Variants in PRKG1 observed in about 807,000 individuals in gnomAD.
PRKG1 encodes the protein cGMP-dependent protein kinase 1.
PRKG1 carries 35 observed loss-of-function variants against 88.1 expected under a neutral mutation model. The observed-to-expected ratio is 0.40, with a 90% CI of 0.30 to 0.53. The LOEUF (loss-of-function observed/expected upper bound fraction) is 0.53. Ranked by LOEUF, PRKG1 falls within the 20% of genes least tolerant of loss-of-function variation. PRKG1 has a pLI of 0.59. For synonymous variants in PRKG1, 303 were observed against 292.5 expected, an observed-to-expected ratio of 1.04 and a Z score of -0.37; for missense variants, 540 against 839.8, an observed-to-expected ratio of 0.64 and a Z score of 4.41.
chr10:51,875,688 G>T (rs1478250666), intron 4 of PRKG1, among the ~76,000 whole-genome samples: 1 of 152,128 alleles, frequency 6.6e-6, no homozygotes, highest in Non-Finnish European at 1.5e-5. Flanking sequence ...AAAATAATGT[G>T]ATCAAATTTA....
intron 10 of PRKG1, among the ~76,000 whole-genome samples, chr10:52,255,618 G>A (rs1841289216): frequency 6.6e-6 from 1 of 152,026 alleles, no homozygotes; most frequent in South Asian, 2.1e-4. Context: ...TTAATAAATA[G>A]AATAGTTCTT....
chr10:51,878,923 C>G (rs1253983888), intron 4 of PRKG1, among the ~76,000 whole-genome samples: 1 of 152,144 alleles, frequency 6.6e-6, no homozygotes, highest in Non-Finnish European at 1.5e-5. Flanking sequence ...AGAACCAGAC[C>G]TCTGCAAATG....
rs959696784 is a variant in PRKG1 at position 52,047,249 on chromosome 10, C to T, written c.763-7235C>T. ...AAGGAGAGCATATTAAAATTATAGC[C>T]TGAATGAAGTTATCTGTTATCCAAG... On this transcript the variant is annotated intron_variant, in intron 5 of 17. Coordinates refer to ENST00000373980, the MANE Select transcript of PRKG1 (RefSeq NM_006258.4). Among the ~76,000 whole-genome samples the T allele has an allele frequency of 2.0e-4, 31 of 152,192 alleles. No individual in the cohort carries two copies. The East Asian group carries it at 4.8e-3, about 24-fold the overall frequency.
rs1355137584 is a variant in PRKG1 at position 52,295,343 on chromosome 10, A to G, written c.*1443A>G. 6.6e-6 allele frequency: 1 copy of G among 152,184 alleles called. No individual in the cohort carries two copies. Among genetic ancestry groups the G allele is most frequent in the Non-Finnish European group, 1.5e-5 (1 of 67,976 alleles). The allele number at this position is 152,184 out of a possible 1,614,324, so 9.4% of individuals were successfully genotyped here. On this transcript the variant is annotated 3_prime_UTR_variant, in exon 18 of 18. Coordinates refer to ENST00000373980, the MANE Select transcript of PRKG1 (RefSeq NM_006258.4). ...CAGGAACCTGATTTTTTTAAAATAA[A>G]TTTTAAATAAAATAGAATTACTACA... is the stretch of plus-strand genomic sequence containing the variant.
chr10:51,858,335 ATATATAT>A (rs1481456648), intron 4 of PRKG1, among the ~76,000 whole-genome samples: 11 of 35,226 alleles, frequency 3.1e-4, no homozygotes, highest in Non-Finnish European at 5.8e-4. Context: ...TATATATAAT[ATATATAT>A]TATATAAAAT....
chr10:51,269,165 A>G (rs1488921607), intron 2 of PRKG1, among the ~76,000 whole-genome samples: 2 of 152,224 alleles, frequency 1.3e-5, no homozygotes, highest in Admixed American at 1.3e-4. Context: ...TAAAACCACA[A>G]TGAGATACCA....
intron 7 of PRKG1, among the ~76,000 whole-genome samples, chr10:52,120,673 T>A (rs1847799554): frequency 6.6e-6 from 1 of 152,166 alleles, no homozygotes; most frequent in Non-Finnish European, 1.5e-5. Context: ...CCACGTTCCA[T>A]CTTCTGTGCA....
chr10:51,575,200 G>A (rs12248319), intron 3 of PRKG1, among the ~76,000 whole-genome samples: 11,204 of 151,910 alleles, frequency 0.074, 1,382 homozygotes, highest in African/African-American at 0.25. Flanking sequence ...AAGTGACAAG[G>A]GGGATCACAA....
intron 2 of PRKG1, among the ~76,000 whole-genome samples, chr10:51,253,558 C>T (rs1413933341): frequency 6.6e-6 from 1 of 151,824 alleles, no homozygotes; most frequent in Non-Finnish European, 1.5e-5. Context: ...ATCTCCAAGC[C>T]AGTTATGTTC....
intron 8 of PRKG1, among the ~76,000 whole-genome samples, chr10:52,145,984 T>C (rs1178984977): frequency 2.0e-5 from 3 of 152,170 alleles, no homozygotes; most frequent in Admixed American, 1.3e-4. Context: ...TATAATTGAA[T>C]TAGTTTTAAA....
chr10:51,027,884 A>G (rs187256449), intron 1 of PRKG1, among the ~76,000 whole-genome samples: 1 of 152,184 alleles, frequency 6.6e-6, no homozygotes, highest in African/African-American at 2.4e-5. Flanking sequence ...CATTTTGACA[A>G]CCATTCATTT....
intron 4 of PRKG1, among the ~76,000 whole-genome samples, chr10:51,845,429 C>T (rs1017639281): frequency 4.6e-5 from 7 of 152,134 alleles, no homozygotes; most frequent in African/African-American, 1.7e-4. Context: ...AGCAACACCA[C>T]CAACAACTGT....
intron 5 of PRKG1, among the ~76,000 whole-genome samples, chr10:52,026,276 T>A (rs1232367373): frequency 6.6e-6 from 1 of 152,212 alleles, no homozygotes; most frequent in Non-Finnish European, 1.5e-5. Flanking sequence ...TAATGTTTGA[T>A]AATTGAGAAA....
chr10:52,097,013 T>C (rs1057087036), intron 7 of PRKG1, among the ~76,000 whole-genome samples: 3 of 151,990 alleles, frequency 2.0e-5, no homozygotes, highest in Admixed American at 2.0e-4. Flanking sequence ...TTAGTTCCCA[T>C]ATTCCATGGA....
At chr10:52,120,716 A>G (rs1469687211) in intron 7 of PRKG1, among the ~76,000 whole-genome samples, 2 of 152,296 alleles carry the variant, frequency 1.3e-5, no homozygotes, top group Admixed American at 6.5e-5. Flanking sequence ...CCCAGACCTC[A>G]GGCAGCCCCG....
chr10:51,556,745 A>G (rs1161696030), intron 3 of PRKG1, among the ~76,000 whole-genome samples: 1 of 152,046 alleles, frequency 6.6e-6, no homozygotes. Flanking sequence ...GAGGGGGATC[A>G]TTGGCTGAAA....
chr10:51,125,329 A>T (rs1845368399), intron 1 of PRKG1, among the ~76,000 whole-genome samples: 1 of 151,758 alleles, frequency 6.6e-6, no homozygotes, highest in Non-Finnish European at 1.5e-5. Flanking sequence ...GCTTCAAAAA[A>T]ATTAATAAAT....
intron 9 of PRKG1, among the ~76,000 whole-genome samples, chr10:52,250,415 AG>A (rs1280178115): frequency 6.6e-6 from 1 of 152,188 alleles, no homozygotes; most frequent in East Asian, 1.9e-4. Context: ...AAATCCCCCA[AG>A]TGGAGAGTCT....
At chr10:51,429,287 A>G (rs949204048) in intron 2 of PRKG1, among the ~76,000 whole-genome samples, 4 of 152,212 alleles carry the variant, frequency 2.6e-5, no homozygotes, top group African/African-American at 9.6e-5. Flanking sequence ...AAACACCCTC[A>G]TGGGGAGAGA....
Sources: gnomAD v4.1 joint callset for allele counts (sites outside exome capture counted in the v4.1 genomes callset) on GRCh38, gnomAD v4.1.1 for gene constraint, MANE v1.5 for transcripts, NCBI Gene and HGNC (gene_info 2026-07-23, HGNC 2026-07-21) for gene names.